The following CUL5 variants were observed in gnomAD, a reference collection of about 807,000 sequenced individuals.
CUL5 encodes the protein cullin-5.
A neutral mutation model predicts 108.8 loss-of-function variants in CUL5; 26 were observed. That is an observed-to-expected ratio of 0.24 (90% CI 0.18 to 0.33). The LOEUF (loss-of-function observed/expected upper bound fraction) is 0.33, where lower values mean the gene tolerates loss of function less well. CUL5 is among the 10% of genes least tolerant of loss of function. The pLI, the probability that CUL5 is intolerant of heterozygous loss-of-function variation, is 1.00. For synonymous variants in CUL5, 334 were observed against 298.0 expected, an observed-to-expected ratio of 1.12 and a Z score of -1.25; for missense variants, 524 against 909.2, an observed-to-expected ratio of 0.58 and a Z score of 5.45.
In CUL5 at chr11:108,009,232, A is replaced by ACCCTGGTGCGGGCCGACGGG; in HGVS notation, c.-110_-91dup. 9.1e-7 allele frequency: 1 copy of ACCCTGGTGCGGGCCGACGGG among 1,097,034 alleles called. No homozygotes were observed. The highest frequency in any genetic ancestry group is 1.4e-6 in the Non-Finnish European group (1 of 736,928). 68.0% of individuals were successfully genotyped at this position (1,097,034 alleles called of 1,614,324 possible). On this transcript the variant is annotated 5_prime_UTR_variant, in exon 1 of 19. Coordinates refer to ENST00000393094, the MANE Select transcript of CUL5 (RefSeq NM_003478.6). Reference sequence around the variant, plus strand: ...GGCGCGCTGCTCCAGCGCCCACCACACCCTGGTGCGGGCCGACGGGCCCTG... The same window carrying ACCCTGGTGCGGGCCGACGGG: ...GGCGCGCTGCTCCAGCGCCCACCACACCCTGGTGCGGGCCGACGGGCCCTGGTGCGGGCCGACGGGCCCTG...
intron 2 of CUL5, among the ~76,000 whole-genome samples, chr11:108,036,865 C>A (rs569746098): frequency 6.6e-6 from 1 of 152,258 alleles, no homozygotes; most frequent in Non-Finnish European, 1.5e-5. Context: ...GCTGGGAAAT[C>A]CTGACTGGAA....
At chr11:108,042,511 TG>T (rs1438455149) in intron 2 of CUL5, among the ~76,000 whole-genome samples, 3 of 152,088 alleles carry the variant, frequency 2.0e-5, no homozygotes, top group Non-Finnish European at 2.9e-5. Flanking sequence ...CTTGAGCCAC[TG>T]CACCTGGCCC....
chr11:108,042,513 C>T (rs1020823757), intron 2 of CUL5, among the ~76,000 whole-genome samples: 5 of 152,172 alleles, frequency 3.3e-5, no homozygotes, highest in African/African-American at 1.2e-4. Flanking sequence ...TGAGCCACTG[C>T]ACCTGGCCCA....
chr11:108,054,383 T>C (rs1863320453), intron 5 of CUL5, among the ~76,000 whole-genome samples: 1 of 152,228 alleles, frequency 6.6e-6, no homozygotes, highest in Non-Finnish European at 1.5e-5. Flanking sequence ...TGTGAATGTT[T>C]TCTTGATTAT....
Position 108,008,982 on chromosome 11 carries a change from C to G in CUL5, c.-367C>G, listed in dbSNP as rs1230480086. ...GCCGAGCTAAATTCGTTGCAGGTGG[C>G]CGCGGCGGGTGCAACCACAAAGGCT... On this transcript the variant is annotated 5_prime_UTR_variant, in exon 1 of 19. Transcript: ENST00000393094. The G allele has an allele frequency of 3.9e-6, 1 of 253,672 alleles. No individual in the cohort carries two copies. The highest frequency in any genetic ancestry group is 5.5e-5 in the Admixed American group (1 of 18,226). The allele number at this position is 253,672 out of a possible 1,614,324, so 15.7% of individuals were successfully genotyped here.
At chr11:108,099,805 A>G (rs548952542) in intron 18 of CUL5, among the ~76,000 whole-genome samples, 2 of 152,236 alleles carry the variant, frequency 1.3e-5, no homozygotes, top group Admixed American at 6.5e-5. Flanking sequence ...TTTTCATATA[A>G]ATGGAACCAG....
intron 1 of CUL5, among the ~76,000 whole-genome samples, chr11:108,011,376 A>G (rs971136482): frequency 6.6e-6 from 1 of 152,228 alleles, no homozygotes; most frequent in Non-Finnish European, 1.5e-5. Flanking sequence ...TTCTGAATCT[A>G]CATCCACAGC....
At chr11:108,034,187 G>A (rs61914361) in intron 2 of CUL5, among the ~76,000 whole-genome samples, 4,246 of 152,190 alleles carry the variant, frequency 0.028, 94 homozygotes, top group Middle Eastern at 0.044. Context: ...GTGAAGTGCA[G>A]GAAAAAACAA....
At chr11:108,090,912 C>T (rs1199531729) in intron 13 of CUL5, among the ~76,000 whole-genome samples, 1 of 152,108 alleles carries the variant, frequency 6.6e-6, no homozygotes, top group Non-Finnish European at 1.5e-5. Context: ...AATGATTATT[C>T]TGTGACTTTT....
intron 1 of CUL5, among the ~76,000 whole-genome samples, chr11:108,032,581 G>GTC (rs371413301): frequency 0.016 from 2,352 of 150,138 alleles, 54 homozygotes; most frequent in African/African-American, 0.053. Context: ...CACATATGGG[G>GTC]TCTCTCTCTC....
At chr11:108,087,065 T>C (rs1344213074) in intron 11 of CUL5, among the ~76,000 whole-genome samples, 2 of 152,172 alleles carry the variant, frequency 1.3e-5, no homozygotes, top group Non-Finnish European at 2.9e-5. Flanking sequence ...TCAGTATGGA[T>C]TTTTTTGTTT....
At chr11:108,030,709 A>C (rs1591283049) in intron 1 of CUL5, among the ~76,000 whole-genome samples, 1 of 152,228 alleles carries the variant, frequency 6.6e-6, no homozygotes, top group Admixed American at 6.5e-5. Context: ...ATTAACTTTT[A>C]GGATGAACTA....
intron 1 of CUL5, among the ~76,000 whole-genome samples, chr11:108,011,297 G>A (rs2135026028): frequency 6.6e-6 from 1 of 152,174 alleles, no homozygotes. Context: ...AAGCTATTTT[G>A]GTTCATATTA....
intron 11 of CUL5, among the ~76,000 whole-genome samples, chr11:108,082,213 TCTTTC>T (rs906151987): frequency 2.6e-5 from 4 of 151,942 alleles, no homozygotes; most frequent in African/African-American, 7.3e-5. Flanking sequence ...CCTTCCTCCC[TCTTTC>T]CTTTCTTTTC....
At chr11:108,052,299 G>A (rs572496806) in intron 4 of CUL5, among the ~76,000 whole-genome samples, 1 of 152,218 alleles carries the variant, frequency 6.6e-6, no homozygotes, top group East Asian at 1.9e-4. Flanking sequence ...CTGCTTCCCC[G>A]AAGTATTCAA....
chr11:108,100,302 G>A (rs933528653), intron 18 of CUL5, among the ~76,000 whole-genome samples: 3 of 152,120 alleles, frequency 2.0e-5, no homozygotes, highest in Admixed American at 6.5e-5. Context: ...CAGCACTTTG[G>A]GAGGCCGAGG....
chr11:108,066,731 C>CA (rs1333339312), intron 7 of CUL5, among the ~76,000 whole-genome samples: 1 of 152,194 alleles, frequency 6.6e-6, no homozygotes, highest in Non-Finnish European at 1.5e-5. Context: ...TGTGCCAGGA[C>CA]ACAGCACAGT....
chr11:108,037,178 A>AGCATGGCCAGAAACTG, intron 2 of CUL5, among the ~76,000 whole-genome samples: 1 of 152,192 alleles, frequency 6.6e-6, no homozygotes, highest in Non-Finnish European at 1.5e-5. Flanking sequence ...CACTTTAGTC[A>AGCATGGCCAGAAACTG]GCATGGCCAG....
chr11:108,009,290 G>T lies in CUL5; in HGVS notation c.-59G>T. The T allele has an allele frequency of 1.3e-6, 2 of 1,599,410 alleles. No homozygotes were observed. The highest frequency in any genetic ancestry group is 1.7e-6 in the Non-Finnish European group (2 of 1,168,400). ...GTGGGAGCTCCGGCCTCCGGTCAAG[G>T]CCTGGCCGGGAGCGCCACGAATTCT... On this transcript the variant is annotated 5_prime_UTR_variant, in exon 1 of 19. Coordinates refer to ENST00000393094, the MANE Select transcript of CUL5 (RefSeq NM_003478.6).
Sources: allele counts gnomAD v4.1 joint callset (sites outside exome capture counted in the v4.1 genomes callset), GRCh38; gene constraint gnomAD v4.1.1; transcripts MANE v1.5; gene names NCBI Gene and HGNC (gene_info 2026-07-23, HGNC 2026-07-21).